The following NTAQ1 variants were observed in gnomAD, a reference collection of about 807,000 sequenced individuals.
NTAQ1 encodes N-terminal glutamine amidase 1.
Under a neutral mutation model 28.2 loss-of-function variants are expected in NTAQ1, and 21 were observed. That is an observed-to-expected ratio of 0.74 (90% CI 0.53 to 1.07). NTAQ1 has a LOEUF of 1.07. Ranked by LOEUF, NTAQ1 falls within the 50% of genes least tolerant of loss-of-function variation. The pLI is 0.00. For synonymous variants in NTAQ1, 105 were observed against 90.0 expected (o/e 1.17, Z -0.94); for missense variants, 264 against 256.6 (o/e 1.03, Z -0.20).
Position 123,416,788 on chromosome 8 carries a change from C to T in NTAQ1, c.-62C>T, listed in dbSNP as rs751815494. On this transcript the variant is annotated 5_prime_UTR_variant, in exon 1 of 6. Transcript: ENST00000287387. ...CCACGCGGGCCACTACAAGCCCGCC[C>T]TTTCCTACGTCTGGTCCAGTCGGTC... 8.9e-6 allele frequency: 13 copies of T among 1,467,092 alleles called. No individual in the cohort carries two copies. Among genetic ancestry groups the T allele is most frequent in the African/African-American group, 1.5e-5 (1 of 68,388 alleles). The allele number at this position is 1,467,092 out of a possible 1,614,324, so 90.9% of individuals were successfully genotyped here. A position where few individuals can be genotyped will look rare whatever the true frequency, so the allele number is the denominator to read the frequency against.
intron 6 of NTAQ1, among the ~76,000 whole-genome samples, chr8:123,460,153 AAAATCTT>A (rs1815779564): frequency 6.6e-6 from 1 of 152,212 alleles, no homozygotes; most frequent in South Asian, 2.1e-4. Flanking sequence ...CTTTAAAAAA[AAAATCTT>A]AAATAGTACC....
At chr8:123,419,567 CTTAA>C (rs1156657675) in intron 1 of NTAQ1, among the ~76,000 whole-genome samples, 13 of 152,172 alleles carry the variant, frequency 8.5e-5, no homozygotes, top group African/African-American at 3.1e-4. Flanking sequence ...CTGATTCTGA[CTTAA>C]TTGTTTTGTG....
intron 1 of NTAQ1, among the ~76,000 whole-genome samples, chr8:123,418,278 C>T (rs1858062361): frequency 6.6e-6 from 1 of 152,038 alleles, no homozygotes; most frequent in Admixed American, 6.6e-5. Flanking sequence ...TGCAGAAACC[C>T]TGCCTCTACT....
intron 1 of NTAQ1, among the ~76,000 whole-genome samples, chr8:123,418,571 CATT>C (rs1813464519): frequency 6.6e-6 from 1 of 151,740 alleles, no homozygotes. Flanking sequence ...TTTGAGAAGA[CATT>C]GTTGATAAGG....
rs536629401 is a variant in NTAQ1 at position 123,441,667 on chromosome 8, C to G, written c.*252C>G. ...TTCCTGTGGCTCATGCGTTACAACA[C>G]GAGGACTTAAGCCAGTAATCGTTTT... On this transcript the variant is annotated 3_prime_UTR_variant, in exon 6 of 6. Transcript: ENST00000287387. 1 of 467,356 alleles carries G rather than the reference C, an allele frequency of 2.1e-6. No homozygotes were observed. The highest frequency in any genetic ancestry group is 3.9e-6 in the Non-Finnish European group (1 of 257,644). The allele number at this position is 467,356 out of a possible 1,614,324, so 29.0% of individuals were successfully genotyped here.
intron 3 of NTAQ1, among the ~76,000 whole-genome samples, chr8:123,434,120 C>T (rs893347127): frequency 3.3e-5 from 5 of 151,854 alleles, no homozygotes; most frequent in East Asian, 1.9e-4. Context: ...TGGAACCAGG[C>T]GCTTACCTGC....
intron 5 of NTAQ1, among the ~76,000 whole-genome samples, chr8:123,439,090 A>G (rs906087300): frequency 1.3e-5 from 2 of 152,064 alleles, no homozygotes; most frequent in African/African-American, 2.4e-5. Context: ...TTTTGTTTTG[A>G]TGACTACTAG....
Position 123,456,596 on chromosome 8 carries a change from G to A in NTAQ1, c.373-10483G>A, listed in dbSNP as rs536861380. The stretch of plus-strand genomic sequence containing the variant: ...TTTGGGCACTTCCCCAAGTATCGAA[G>A]GCACCGTCAGGAGTTGTTTTACATG... On this transcript the variant is annotated intron_variant, in intron 6 of 6. Transcript: ENST00000650311. Among the ~76,000 whole-genome samples, 7 of 152,258 alleles carry A rather than the reference G, an allele frequency of 4.6e-5. No individual in the cohort carries two copies. In the South Asian group the frequency reaches 1.4e-3, roughly 32 times the overall value.
chr8:123,462,834 A>G (rs889215498), intron 6 of NTAQ1, among the ~76,000 whole-genome samples: 9 of 152,292 alleles, frequency 5.9e-5, no homozygotes, highest in African/African-American at 2.2e-4. Context: ...TTTTGACACC[A>G]TAGAGAGCAA....
intron 1 of NTAQ1, among the ~76,000 whole-genome samples, chr8:123,417,909 T>C (rs1813406120): frequency 1.3e-5 from 2 of 152,196 alleles, no homozygotes; most frequent in African/African-American, 4.8e-5. Context: ...GTGGTGGTGC[T>C]GAAACTGGAA....
At chr8:123,439,192 C>CT (rs869289750) in intron 5 of NTAQ1, among the ~76,000 whole-genome samples, 9 of 148,396 alleles carry the variant, frequency 6.1e-5, no homozygotes, top group South Asian at 2.1e-4. Flanking sequence ...TTCTTTCTTT[C>CT]TTTTTTTTTT....
At chr8:123,460,348 T>C (rs2130421317) in intron 6 of NTAQ1, among the ~76,000 whole-genome samples, 1 of 152,342 alleles carries the variant, frequency 6.6e-6, no homozygotes. Context: ...TTGCCCAAAG[T>C]AGCACAGTTA....
At chr8:123,443,388 C>T (rs1187772690), downstream of NTAQ1, among the ~76,000 whole-genome samples, 1 of 152,224 alleles carries the variant, frequency 6.6e-6, no homozygotes, top group East Asian at 1.9e-4. Context: ...TCCTGTCTGC[C>T]TACAGGGTAA....
chr8:123,440,544 G>C lies in NTAQ1; in HGVS notation c.509-762G>C, dbSNP rs1427623285. 2.7e-5 allele frequency among the ~76,000 whole-genome samples: 4 copies of C among 149,284 alleles called. No homozygotes were observed. The South Asian group carries it at 8.4e-4, about 31-fold the overall frequency. On this transcript the variant is annotated intron_variant, in intron 5 of 5. Transcript: ENST00000287387. ...AGACAAAGCCTTGCTCTGTTGCCCA[G>C]GCTGGAGTGAAGTGGCGTGATCTTG...
At chr8:123,469,779 C>T (rs1191944312) in exon 7 of NTAQ1, among the ~76,000 whole-genome samples, 1 of 152,192 alleles carries the variant, frequency 6.6e-6, no homozygotes, top group East Asian at 1.9e-4. Flanking sequence ...CACTAACTAG[C>T]CAAGGCAATA....
At chr8:123,423,283 C>T (rs1412102087) in intron 1 of NTAQ1, among the ~76,000 whole-genome samples, 2 of 122,838 alleles carry the variant, frequency 1.6e-5, no homozygotes, top group East Asian at 2.4e-4. Flanking sequence ...TCTCTCTTTC[C>T]TTCCTTCTCT....
chr8:123,452,859 C>T (rs1264835001), downstream of NTAQ1, among the ~76,000 whole-genome samples: 3 of 152,156 alleles, frequency 2.0e-5, no homozygotes, highest in Admixed American at 6.5e-5. Flanking sequence ...CCATTGCACT[C>T]CAGCCTGGGC....
At chr8:123,430,417 G>C (rs1388656865) in intron 3 of NTAQ1, among the ~76,000 whole-genome samples, 2 of 152,136 alleles carry the variant, frequency 1.3e-5, no homozygotes, top group African/African-American at 4.8e-5. Context: ...CAAGGTGGAC[G>C]GATCACTTGA....
chr8:123,458,252 T>TTC (rs1331856935), intron 6 of NTAQ1, among the ~76,000 whole-genome samples: 6 of 151,196 alleles, frequency 4.0e-5, no homozygotes, highest in African/African-American at 1.5e-4. Flanking sequence ...TTTTTTTTTT[T>TTC]CAAACAAACA....
Sources: allele counts gnomAD v4.1 joint callset (sites outside exome capture counted in the v4.1 genomes callset), GRCh38; gene constraint gnomAD v4.1.1; transcripts MANE v1.5; gene names NCBI Gene and HGNC (gene_info 2026-07-23, HGNC 2026-07-21).